The following STRIP1 variants were observed in gnomAD, a reference collection of about 807,000 sequenced individuals.
STRIP1 encodes the protein striatin interacting protein 1, also known as striatin-interacting protein 1.
STRIP1 carries 63 observed loss-of-function variants against 106.2 expected under a neutral mutation model. That is an observed-to-expected ratio of 0.59 (90% CI 0.48 to 0.73). STRIP1 has a LOEUF of 0.73. Among genes scored for constraint, STRIP1 ranks in the 30% least tolerant of loss-of-function variants. STRIP1 has a pLI of 0.00. For missense variants in STRIP1, 857 were observed against 1,074.8 expected (o/e 0.80, Z 2.83); for synonymous variants, 390 against 413.0 (o/e 0.94, Z 0.67).
chr1:110,049,252 T>C lies in STRIP1; in HGVS notation c.1788+14T>C, dbSNP rs771643872. ...CATGTCTACCAGGTACCCACAGGGC[T>C]TTCCCTCCTGTCCTGTGGGCTGGGG... On this transcript the variant is annotated intron_variant, in intron 16 of 20. Transcript: ENST00000369795. The C allele has an allele frequency of 2.5e-5, 41 of 1,613,898 alleles. No individual in the cohort carries two copies. The highest frequency in any genetic ancestry group is 3.4e-5 in the Non-Finnish European group (40 of 1,180,022).
chr1:110,036,619 A>G (rs532071999), intron 1 of STRIP1, among the ~76,000 whole-genome samples: 1 of 152,318 alleles, frequency 6.6e-6, no homozygotes, highest in Non-Finnish European at 1.5e-5. Flanking sequence ...TGATCAGTGA[A>G]TGCCTGGAGG....
Position 110,046,712 on chromosome 1 carries a change from A to G in STRIP1, c.1449A>G (p.Ala483=). 6.2e-7 allele frequency: 1 copy of G among 1,613,492 alleles called. No homozygotes were observed. Among genetic ancestry groups the G allele is most frequent in the East Asian group, 2.2e-5 (1 of 44,822 alleles). ...ACACGTCGATTGCAGAGGTCCAGGC[A>G]CAGATGGAGGAGGAATACCTCCGCT... The part of the protein sequence containing the change: ...HKYTSIAEVQ[A]QMEEEYLRSP... Residue 483 remains alanine (A), a synonymous_variant, in exon 13 of 21, where the codon GCA becomes GCG. Transcript: ENST00000369795.
intron 6 of STRIP1, 182 bp from the exon 7 acceptor site, chr1:110,041,354 G>GT (rs1165104444): frequency 1.1e-5 from 6 of 559,216 alleles, no homozygotes; most frequent in South Asian, 6.4e-5. Flanking sequence ...CACCTCTGTG[G>GT]TTTTTTTCTT....
chr1:110,032,170 T>C (rs767942297), upstream of STRIP1, among the ~76,000 whole-genome samples: 1 of 152,230 alleles, frequency 6.6e-6, no homozygotes, highest in Non-Finnish European at 1.5e-5. Context: ...TTAGAATCTA[T>C]TACTAGAAGT....
In STRIP1 at chr1:110,034,744, C is replaced by T; in HGVS notation, c.107C>T (p.Pro36Leu). The T allele has an allele frequency of 6.8e-7, 1 of 1,461,352 alleles. No individual in the cohort carries two copies. The highest frequency in any genetic ancestry group is 9.0e-7 in the Non-Finnish European group (1 of 1,113,260). The allele number at this position is 1,461,352 out of a possible 1,614,324, so 90.5% of individuals were successfully genotyped here. Reference protein sequence around the residue: ...PAAAQPPPGAPRAAAGLLPGG... With the variant: ...PAAAQPPPGALRAAAGLLPGG... ...GCCGCACAGCCACCACCCGGGGCAC[C>T]GCGGGCCGCCGCGGGCCTCCTGCCT... Residue 36 changes from proline (P) to leucine (L), a missense_variant, in exon 1 of 21, where the codon CCG (proline) becomes CTG (leucine). Around this residue, in one of 2 missense-constraint regions of STRIP1, gnomAD observed 107 missense variants for 85.1 expected, o/e 1.26. Coordinates refer to ENST00000369795, the MANE Select transcript of STRIP1 (RefSeq NM_033088.4).
At chr1:110,033,063 C>G (rs1652267329), upstream of STRIP1, among the ~76,000 whole-genome samples, 1 of 152,164 alleles carries the variant, frequency 6.6e-6, no homozygotes, top group South Asian at 2.1e-4. Flanking sequence ...ACACTAACAT[C>G]AGGGCTTTTG....
chr1:110,052,969 A>G (rs966848212), intron 20 of STRIP1, among the ~76,000 whole-genome samples: 2 of 152,204 alleles, frequency 1.3e-5, no homozygotes, highest in African/African-American at 4.8e-5. Flanking sequence ...AGACTCAGGC[A>G]GGGCATGTGA....
Position 110,041,753 on chromosome 1 carries a change from T to C in STRIP1, c.777T>C (p.Asn259=). The C allele has an allele frequency of 6.2e-7, 1 of 1,614,162 alleles. No homozygotes were observed. Among genetic ancestry groups the C allele is most frequent in the Non-Finnish European group, 8.5e-7 (1 of 1,180,022 alleles). The change falls in exon 8 of 21, where the codon AAT becomes AAC. Residue 259 remains asparagine, a synonymous_variant. Transcript: ENST00000369795. ...CTCCAGGCTCCCCGCTGTACAACAA[T>C]GAGCCATTTGCCATCATGCTGTTTG... is the stretch of plus-strand genomic sequence containing the variant. The part of the protein sequence containing the change: ...RAELGSPLYN[N]EPFAIMLFGM...
At position 110,043,759 on chromosome 1, in the gene STRIP1, C is replaced by A; in HGVS notation, c.1189C>A (p.Pro397Thr). The part of the protein sequence containing the change: ...DDNSLEGETF[P>T]LERDEVMPPP... Reference sequence around the variant, plus strand: ...CAACAGTCTGGAGGGGGAGACGTTTCCCCTGGAACGGGATGAAGTGATGCC... The same window carrying A: ...CAACAGTCTGGAGGGGGAGACGTTTACCCTGGAACGGGATGAAGTGATGCC... Residue 397 changes from proline (P) to threonine (T), a missense_variant, in exon 10 of 21, where the codon CCC (proline) becomes ACC (threonine). By Grantham distance (38) the Pro-to-Thr change is conservative (BLOSUM62 -1). Transcript: ENST00000369795. 6.2e-7 allele frequency: 1 copy of A among 1,614,140 alleles called. No individual in the cohort carries two copies.
upstream of STRIP1, among the ~76,000 whole-genome samples, chr1:110,032,915 G>A (rs565659059): frequency 6.6e-6 from 1 of 152,224 alleles, no homozygotes; most frequent in South Asian, 2.1e-4. Flanking sequence ...TAACACCCTC[G>A]AATGGTTTTC....
At chr1:110,035,390 G>A (rs1008534425) in intron 1 of STRIP1, among the ~76,000 whole-genome samples, 2 of 152,218 alleles carry the variant, frequency 1.3e-5, no homozygotes, top group Non-Finnish European at 2.9e-5. Flanking sequence ...AGCCAGATCA[G>A]GCCATGGGTT....
intron 8 of STRIP1, 124 bp downstream of exon 8, chr1:110,041,985 T>G: frequency 8.6e-7 from 1 of 1,169,488 alleles, no homozygotes; most frequent in Non-Finnish European, 1.2e-6. Flanking sequence ...AAAAAATTAT[T>G]TAAAAAGCTG....
rs1164545617 is a variant in STRIP1 at position 110,054,170 on chromosome 1, G to T, written c.*258G>T. The T allele has an allele frequency of 2.1e-6, 1 of 480,444 alleles. No homozygotes were observed. The highest frequency in any genetic ancestry group is 3.8e-6 in the Non-Finnish European group (1 of 263,792). The allele number at this position is 480,444 out of a possible 1,614,324, so 29.8% of individuals were successfully genotyped here. Reference sequence around the variant, plus strand: ...CCCCCACCCTCCTCTCTTGGATATGGTTGGTTTTGGCTCATTTCACAATCA... The same window carrying T: ...CCCCCACCCTCCTCTCTTGGATATGTTTGGTTTTGGCTCATTTCACAATCA... On this transcript the variant is annotated 3_prime_UTR_variant, in exon 21 of 21. Coordinates refer to ENST00000369795, the MANE Select transcript of STRIP1 (RefSeq NM_033088.4).
At chr1:110,041,408 C>T (rs1652751575) in intron 6 of STRIP1, 128 bp from the exon 7 acceptor site, 3 of 657,824 alleles carry the variant, frequency 4.6e-6, no homozygotes, top group Non-Finnish European at 5.3e-6. Context: ...CATTCTTGTT[C>T]ATACTCATTT....
At chr1:110,049,033 G>A (rs947495778) in intron 15 of STRIP1, 79 bp from the exon 16 acceptor site, 47 of 1,569,880 alleles carry the variant, frequency 3.0e-5, no homozygotes, top group Middle Eastern at 3.8e-4. Flanking sequence ...GGGAGGCTCC[G>A]GAGTCCATCT....
chr1:110,049,594 A>G, intron 17 of STRIP1, 34 bp downstream of exon 17: 5 of 1,482,416 alleles, frequency 3.4e-6, no homozygotes, highest in South Asian at 1.2e-5. Flanking sequence ...AGGGGTGGAT[A>G]TGGTCAGACG....
At chr1:110,038,787 C>G in intron 3 of STRIP1, 30 bp downstream of exon 3, 1 of 1,597,304 alleles carries the variant, frequency 6.3e-7, no homozygotes, top group Non-Finnish European at 8.6e-7. Context: ...TTCTTGCTTC[C>G]TTTGCCCTGC....
chr1:110,036,916 G>A (rs1037080821), intron 1 of STRIP1, among the ~76,000 whole-genome samples: 1 of 152,008 alleles, frequency 6.6e-6, no homozygotes, highest in African/African-American at 2.4e-5. Context: ...CTCCACTTCC[G>A]GGGCTCAAGC....
intron 5 of STRIP1, 43 bp from the exon 6 acceptor site, chr1:110,040,591 CT>C: frequency 1.3e-6 from 2 of 1,573,970 alleles, no homozygotes; most frequent in Non-Finnish European, 8.6e-7. Context: ...CATCACTTAT[CT>C]TCCTTCTTGG....
Sources: allele counts gnomAD v4.1 joint callset (sites outside exome capture counted in the v4.1 genomes callset), GRCh38; gene constraint gnomAD v4.1.1; regional missense constraint gnomAD v4.1.1; transcripts MANE v1.5; gene names NCBI Gene and HGNC (gene_info 2026-07-23, HGNC 2026-07-21).